The following DOCK1 variants were observed in gnomAD, a reference collection of about 807,000 sequenced individuals.
The protein encoded by DOCK1 is dedicator of cytokinesis protein 1.
A neutral mutation model predicts 262.7 loss-of-function variants in DOCK1; 138 were observed. The ratio of observed to expected loss-of-function variants is 0.53; its 90% confidence interval spans 0.46 to 0.61. The LOEUF is 0.61. Ranked by LOEUF, DOCK1 falls within the 20% of genes least tolerant of loss-of-function variation. The probability of loss-of-function intolerance (pLI) is 0.00; values close to 1 mark genes in which losing one functional copy is unlikely to be tolerated. For missense variants in DOCK1, 1,908 were observed against 2,370.7 expected, an observed-to-expected ratio of 0.80 and a Z score of 4.05; for synonymous variants, 866 against 867.4, an observed-to-expected ratio of 1.00 and a Z score of 0.03.
At chr10:127,201,641 T>C (rs549690236) in intron 27 of DOCK1, among the ~76,000 whole-genome samples, 12 of 152,156 alleles carry the variant, frequency 7.9e-5, no homozygotes, top group Non-Finnish European at 1.3e-4. Context: ...GAGGCAGTGA[T>C]GTATGGGAAT....
At chr10:127,204,284 T>C (rs951945241) in intron 27 of DOCK1, among the ~76,000 whole-genome samples, 4 of 152,192 alleles carry the variant, frequency 2.6e-5, no homozygotes, top group Admixed American at 2.0e-4. Flanking sequence ...AAATCTGTTT[T>C]GTTTTGTTTG....
At chr10:127,273,690 T>C (rs2060644345) in intron 29 of DOCK1, among the ~76,000 whole-genome samples, 1 of 152,086 alleles carries the variant, frequency 6.6e-6, no homozygotes, top group Non-Finnish European at 1.5e-5. Context: ...GAGACAAGCC[T>C]GGGCAACACG....
chr10:127,372,913 AC>A (rs1485653295), intron 33 of DOCK1, among the ~76,000 whole-genome samples: 1 of 152,136 alleles, frequency 6.6e-6, no homozygotes, highest in African/African-American at 2.4e-5. Context: ...GTTGATGGTA[AC>A]CTCAGGGCCC....
intron 40 of DOCK1, among the ~76,000 whole-genome samples, chr10:127,408,656 A>C (rs1281932257): frequency 1.3e-5 from 2 of 152,242 alleles, no homozygotes; most frequent in African/African-American, 2.4e-5. Context: ...AAGTGTGGAC[A>C]TCATTATCCA....
At chr10:127,047,184 G>A (rs989243764) in intron 21 of DOCK1, among the ~76,000 whole-genome samples, 2 of 68,580 alleles carry the variant, frequency 2.9e-5, no homozygotes, top group Non-Finnish European at 5.5e-5. Context: ...TTGCTTGAGG[G>A]TCATCCTTAT....
intron 16 of DOCK1, among the ~76,000 whole-genome samples, chr10:127,026,679 C>A (rs547819787): frequency 6.6e-6 from 1 of 152,192 alleles, no homozygotes; most frequent in Non-Finnish European, 1.5e-5. Flanking sequence ...TCCAGTCTTC[C>A]GTGTTGACTT....
At chr10:127,390,462 T>TA (rs2066408432) in intron 38 of DOCK1, among the ~76,000 whole-genome samples, 1 of 152,172 alleles carries the variant, frequency 6.6e-6, no homozygotes, top group Admixed American at 6.5e-5. Flanking sequence ...ATAGGGTCTT[T>TA]AAAGAGGTAA....
chr10:126,922,410 C>T lies in DOCK1; in HGVS notation c.46+16847C>T, dbSNP rs568435838. On this transcript the variant is annotated intron_variant, in intron 1 of 51. Coordinates refer to ENST00000623213, the MANE Select transcript of DOCK1 (RefSeq NM_001290223.2). ...AGGGGAGGAGCTGCCACACTCTAGT[C>T]CAGTCTAGACCACACACTGGTCTAG... Among the ~76,000 whole-genome samples, 7 of 152,068 alleles carry T rather than the reference C, an allele frequency of 4.6e-5. No individual in the cohort carries two copies. The East Asian group carries it at 1.4e-3, about 30-fold the overall frequency.
Position 127,081,940 on chromosome 10 carries a change from CT to C in DOCK1, c.2445+20165del, listed in dbSNP as rs201241154. On this transcript the variant is annotated intron_variant, in intron 23 of 51. Transcript: ENST00000623213. ...CCCAGTGATCTCCCTTTGCTGGCCC[CT>C]GGCGATGCTCATACATGTGGTGGTT... is the stretch of plus-strand genomic sequence containing the variant. Among the ~76,000 whole-genome samples, 62 of 152,336 alleles carry C rather than the reference CT, an allele frequency of 4.1e-4. No homozygotes were observed. The East Asian group carries it at 8.9e-3, about 22-fold the overall frequency.
intron 27 of DOCK1, among the ~76,000 whole-genome samples, chr10:127,226,163 C>A (rs1800378650): frequency 6.6e-6 from 1 of 151,384 alleles, no homozygotes; most frequent in Admixed American, 6.6e-5. Flanking sequence ...TCCTAATCAT[C>A]AGTTTTTTTC....
At chr10:127,019,059 A>C (rs2042217829) in intron 13 of DOCK1, 4 of 592,728 alleles carry the variant, frequency 6.7e-6, no homozygotes, top group Non-Finnish European at 5.5e-6. Context: ...AGCTCTCCCC[A>C]GCTGCAAGGA....
chr10:127,058,206 A>T (rs2045294583), intron 22 of DOCK1, among the ~76,000 whole-genome samples: 1 of 152,140 alleles, frequency 6.6e-6, no homozygotes, highest in African/African-American at 2.4e-5. Context: ...GGTAGAATTT[A>T]AAAAATATTA....
Position 127,031,749 on chromosome 10 carries a change from A to G in DOCK1, c.1724A>G (p.Tyr575Cys), listed in dbSNP as rs373756074. 24 of 1,611,460 alleles carry G rather than the reference A, an allele frequency of 1.5e-5. No individual in the cohort carries two copies. Among genetic ancestry groups the G allele is most frequent in the African/African-American group, 2.7e-5 (2 of 74,880 alleles). ...GACGGAGAGCACGATCTTATCGTCT[A>G]TAAGGTATCTGGTTGCATTGGTGCA... is the stretch of plus-strand genomic sequence containing the variant. ...LRDGEHDLIV[Y>C]KAEAKKLEDA... Residue 575 changes from tyrosine (Y) to cysteine (C), a missense_variant, in exon 17 of 52, where the codon TAT becomes TGT. Tyr to Cys is a radical substitution (Grantham distance 194). This residue lies in a region of DOCK1 where 294 missense variants were observed against 439.9 expected (regional missense o/e 0.67). Coordinates refer to ENST00000623213, the MANE Select transcript of DOCK1 (RefSeq NM_001290223.2).
chr10:126,973,452 G>A (rs1212347491), intron 2 of DOCK1, among the ~76,000 whole-genome samples: 2 of 152,086 alleles, frequency 1.3e-5, no homozygotes, highest in Admixed American at 6.5e-5. Flanking sequence ...CTTGTAATAC[G>A]TGTAACTTCA....
intron 6 of DOCK1, among the ~76,000 whole-genome samples, chr10:126,994,748 C>T (rs184140838): frequency 7.4e-4 from 112 of 152,348 alleles, no homozygotes; most frequent in African/African-American, 2.6e-3. Flanking sequence ...ACAATCTGAT[C>T]TCTCTTTCTT....
At chr10:127,202,328 A>T (rs2057505153) in intron 27 of DOCK1, among the ~76,000 whole-genome samples, 1 of 151,878 alleles carries the variant, frequency 6.6e-6, no homozygotes, top group Admixed American at 6.5e-5. Flanking sequence ...GTCTCCAAAA[A>T]AAAAAAAAGA....
At chr10:127,376,163 C>A (rs1008414168) in intron 35 of DOCK1, among the ~76,000 whole-genome samples, 5 of 152,312 alleles carry the variant, frequency 3.3e-5, no homozygotes, top group African/African-American at 4.8e-5. Flanking sequence ...TGATGAATAT[C>A]CTAAGGGCTC....
intron 27 of DOCK1, among the ~76,000 whole-genome samples, chr10:127,196,628 GGGGCCGGGCC>G (rs1299327829): frequency 7.5e-5 from 11 of 146,508 alleles, no homozygotes; most frequent in Non-Finnish European, 1.2e-4. Context: ...GGGGCGGCGC[GGGGCCGGGCC>G]GGGCCGGGCC....
intron 1 of DOCK1, among the ~76,000 whole-genome samples, chr10:126,961,300 G>A (rs1308156498): frequency 6.6e-6 from 1 of 152,130 alleles, no homozygotes; most frequent in African/African-American, 2.4e-5. Flanking sequence ...TAGAAATGTG[G>A]GGTGGGGCCA....
Sources: allele counts gnomAD v4.1 joint callset (sites outside exome capture counted in the v4.1 genomes callset), GRCh38; gene constraint gnomAD v4.1.1; regional missense constraint gnomAD v4.1.1; transcripts MANE v1.5; gene names NCBI Gene and HGNC (gene_info 2026-07-23, HGNC 2026-07-21).